GSE1: variants seen among roughly 807,000 people sequenced by gnomAD.
The protein encoded by GSE1 is genetic suppressor element 1.
A neutral mutation model predicts 112.6 loss-of-function variants in GSE1; 32 were observed. The ratio of observed to expected loss-of-function variants is 0.28; its 90% confidence interval spans 0.21 to 0.38. The LOEUF (loss-of-function observed/expected upper bound fraction) is 0.38, where lower values mean the gene tolerates loss of function less well. Among genes scored for constraint, GSE1 ranks in the 10% least tolerant of loss-of-function variants. The probability of loss-of-function intolerance (pLI) is 1.00; values close to 1 mark genes in which losing one functional copy is unlikely to be tolerated. For missense variants in GSE1, 2,348 were observed against 1,699.2 expected, an observed-to-expected ratio of 1.38 and a Z score of -6.71; for synonymous variants, 1,115 against 735.6, an observed-to-expected ratio of 1.52 and a Z score of -8.35.
At chr16:85,644,880 C>G (rs936520848) in intron 2 of GSE1, among the ~76,000 whole-genome samples, 8 of 151,802 alleles carry the variant, frequency 5.3e-5, no homozygotes, top group Admixed American at 4.6e-4. Context: ...AACAACGATC[C>G]TTTCCCTAGT....
intron 1 of GSE1, among the ~76,000 whole-genome samples, chr16:85,603,261 G>GCA (rs1161699845): frequency 1.3e-5 from 2 of 152,238 alleles, no homozygotes; most frequent in African/African-American, 4.8e-5. Flanking sequence ...CACAGAGAGG[G>GCA]CACCGTGTCC....
upstream of GSE1, among the ~76,000 whole-genome samples, chr16:85,609,804 G>A (rs746371257): frequency 6.6e-5 from 10 of 152,090 alleles, no homozygotes; most frequent in Non-Finnish European, 1.5e-4. Flanking sequence ...ACAGGCACAC[G>A]CCACCATGCA....
At chr16:85,601,946 C>A (rs7196600) in intron 1 of GSE1, among the ~76,000 whole-genome samples, 2,236 of 152,234 alleles carry the variant, frequency 0.015, 58 homozygotes, top group African/African-American at 0.051. Context: ...TCTTAATGAC[C>A]GGCAGTAGGT....
At chr16:85,653,883 G>A (rs962914744) in intron 3 of GSE1, among the ~76,000 whole-genome samples, 12 of 152,298 alleles carry the variant, frequency 7.9e-5, no homozygotes, top group South Asian at 2.1e-4. Context: ...GGGTGCCAAC[G>A]GTGTCTGCTT....
intron 1 of GSE1, among the ~76,000 whole-genome samples, chr16:85,182,593 T>A (rs1268394796): frequency 1.3e-5 from 2 of 152,302 alleles, no homozygotes; most frequent in East Asian, 3.9e-4. Context: ...GGATGCCTCC[T>A]GCAAGAGCAC....
intron 1 of GSE1, among the ~76,000 whole-genome samples, chr16:85,203,565 A>G (rs1249073548): frequency 6.6e-6 from 1 of 152,168 alleles, no homozygotes; most frequent in Non-Finnish European, 1.5e-5. Flanking sequence ...AAGGGGAGGA[A>G]GAGTGGCAAG....
At chr16:85,468,728 A>C (rs1314854006) in intron 2 of GSE1, among the ~76,000 whole-genome samples, 1 of 152,146 alleles carries the variant, frequency 6.6e-6, no homozygotes, top group African/African-American at 2.4e-5. Context: ...CACGCAGAAC[A>C]GATGTTGGCA....
At chr16:85,478,165 C>A (rs969194445) in intron 2 of GSE1, among the ~76,000 whole-genome samples, 11 of 152,176 alleles carry the variant, frequency 7.2e-5, no homozygotes, top group African/African-American at 2.4e-4. Flanking sequence ...GGAAGCATTG[C>A]ATCTTCACGG....
At chr16:85,538,671 G>A (rs1181183656) in intron 2 of GSE1, among the ~76,000 whole-genome samples, 1 of 152,164 alleles carries the variant, frequency 6.6e-6, no homozygotes, top group Non-Finnish European at 1.5e-5. Context: ...AGGAAGTGGA[G>A]GAGGAGAGGG....
chr16:85,290,931 G>C (rs773725969), intron 1 of GSE1, among the ~76,000 whole-genome samples: 2 of 152,122 alleles, frequency 1.3e-5, no homozygotes, highest in Admixed American at 1.3e-4. Flanking sequence ...GTGTCTGCCG[G>C]GTCCCCAAGC....
intron 1 of GSE1, among the ~76,000 whole-genome samples, chr16:85,621,541 C>G (rs1368005876): frequency 1.3e-5 from 2 of 152,176 alleles, no homozygotes; most frequent in African/African-American, 4.8e-5. Flanking sequence ...TTAATCCATC[C>G]TTAGCAGGGA....
intron 1 of GSE1, among the ~76,000 whole-genome samples, chr16:85,629,021 C>T (rs181119841): frequency 9.9e-5 from 15 of 152,238 alleles, no homozygotes; most frequent in Admixed American, 3.3e-4. Flanking sequence ...GTGGTGAGCA[C>T]GCTCTCGCAA....
At chr16:85,398,033 A>G (rs2048008550) in intron 2 of GSE1, among the ~76,000 whole-genome samples, 1 of 152,140 alleles carries the variant, frequency 6.6e-6, no homozygotes, top group Non-Finnish European at 1.5e-5. Flanking sequence ...CAGAGCTTCC[A>G]GGTGATTCTG....
chr16:85,647,243 C>T (rs1382082953), intron 2 of GSE1, among the ~76,000 whole-genome samples: 1 of 152,194 alleles, frequency 6.6e-6, no homozygotes, highest in Non-Finnish European at 1.5e-5. Flanking sequence ...CCAAAGCCCT[C>T]CTGCCTGCCC....
At chr16:85,640,071 G>C (rs1004562326) in intron 2 of GSE1, among the ~76,000 whole-genome samples, 1 of 152,204 alleles carries the variant, frequency 6.6e-6, no homozygotes, top group Non-Finnish European at 1.5e-5. Flanking sequence ...GAGAGCCGCC[G>C]TCTGGAGGAC....
At chr16:85,379,560 C>T (rs952839345) in intron 2 of GSE1, among the ~76,000 whole-genome samples, 3 of 152,220 alleles carry the variant, frequency 2.0e-5, no homozygotes, top group Non-Finnish European at 2.9e-5. Flanking sequence ...TCTCCTGGGA[C>T]CCCTGGGTTC....
chr16:85,663,601 TGAG>T lies in GSE1; in HGVS notation c.2632_2634del (p.Glu878del). Reference sequence around the variant, plus strand: ...TCTTCAACCTGACCCACATCAGCGCTGAGAAGAGGAAAGGTAGGGCCTCGCCTG... The same window carrying T: ...TCTTCAACCTGACCCACATCAGCGCTAAGAGGAAAGGTAGGGCCTCGCCTG... On this transcript the variant is annotated inframe_deletion, in exon 11 of 16. Transcript: ENST00000253458. 1 of 1,612,512 alleles carries T rather than the reference TGAG, an allele frequency of 6.2e-7. No homozygotes were observed. The highest frequency in any genetic ancestry group is 1.7e-5 in the Admixed American group (1 of 59,724).
intron 2 of GSE1, among the ~76,000 whole-genome samples, chr16:85,526,081 C>T (rs1224830555): frequency 6.6e-6 from 1 of 152,194 alleles, no homozygotes; most frequent in African/African-American, 2.4e-5. Flanking sequence ...AGACAGTCCC[C>T]ACCTGGTACA....
At chr16:85,182,931 AC>A (rs2074621787) in intron 1 of GSE1, among the ~76,000 whole-genome samples, 2 of 152,112 alleles carry the variant, frequency 1.3e-5, no homozygotes, top group East Asian at 3.9e-4. Flanking sequence ...CTTCTCCTGC[AC>A]CACGCTCGCA....
Sources: gnomAD v4.1 joint callset for allele counts (sites outside exome capture counted in the v4.1 genomes callset) on GRCh38, gnomAD v4.1.1 for gene constraint, MANE v1.5 for transcripts, NCBI Gene and HGNC (gene_info 2026-07-23, HGNC 2026-07-21) for gene names.